Variants in SF3B4 observed in about 807,000 individuals in gnomAD.
The protein encoded by SF3B4 is splicing factor 3b subunit 4, also known as SAP 49.
SF3B4 carries 3 observed loss-of-function variants against 34.3 expected under a neutral mutation model. That is an observed-to-expected ratio of 0.09 (90% CI 0.04 to 0.23). The LOEUF is 0.23. Ranked by LOEUF, SF3B4 falls within the 10% of genes least tolerant of loss-of-function variation. The pLI, the probability that SF3B4 is intolerant of heterozygous loss-of-function variation, is 1.00. For missense variants in SF3B4, 283 were observed against 567.2 expected, an observed-to-expected ratio of 0.50 and a Z score of 5.09; for synonymous variants, 216 against 207.8, an observed-to-expected ratio of 1.04 and a Z score of -0.34.
In SF3B4 at chr1:149,923,535, T is replaced by C; in HGVS notation, c.*7A>G. On this transcript the variant is annotated 3_prime_UTR_variant, in exon 6 of 6. Transcript: ENST00000271628. ...GAAAATGTAACAGGAGGAAGGAAAA[T>C]GTGAATTTACTGAGGGAGAGGGCCT... The C allele has an allele frequency of 3.2e-6, 5 of 1,569,232 alleles. No homozygotes were observed. The highest frequency in any genetic ancestry group is 2.4e-5 in the East Asian group (1 of 41,330).
Position 149,926,843 on chromosome 1 carries a change from T to C in SF3B4, c.239A>G (p.Tyr80Cys). Residue 80 changes from tyrosine to cysteine, a missense_variant, in exon 3 of 6, where the codon TAT becomes TGT. By Grantham distance (194) the Tyr-to-Cys change is radical. Transcript: ENST00000271628. The surrounding 1 kb of genome is among the most constrained non-coding windows in gnomAD (Gnocchi z 6.2). ...AIKIMNMIKL[Y>C]GKPIRVNKAS... Reference sequence around the variant, plus strand: ...TTTGTTCACCCGTATTGGCTTCCCATAGAGTTTGATCATGTTCATGATCTT... The same window carrying C: ...TTTGTTCACCCGTATTGGCTTCCCACAGAGTTTGATCATGTTCATGATCTT... 1 of 1,614,118 alleles carries C rather than the reference T, an allele frequency of 6.2e-7. No homozygotes were observed. Among genetic ancestry groups the C allele is most frequent in the Non-Finnish European group, 8.5e-7 (1 of 1,179,998 alleles).
rs1559797453 is a variant in SF3B4 at position 149,923,951 on chromosome 1, G to A, written c.977C>T (p.Pro326Leu). The A allele has an allele frequency of 1.3e-6, 2 of 1,587,970 alleles. No individual in the cohort carries two copies. Among genetic ancestry groups the A allele is most frequent in the Non-Finnish European group, 1.7e-6 (2 of 1,172,028 alleles). Residue 326 changes from proline to leucine, a missense_variant, in exon 5 of 6, where the codon CCC (proline) becomes CTC (leucine). By Grantham distance (98) the Pro-to-Leu change is moderately conservative (BLOSUM62 -3). Transcript: ENST00000271628. ...CGGTGGCTGGCCCCCAGAGCCTGGG[G>A]GTCCAGCGTGGGGATGTCCTAAGCC... The part of the protein sequence containing the change: ...PHGLGHPHAG[P>L]PGSGGQPPPR...
In SF3B4 at chr1:149,926,651, T is replaced by C; in HGVS notation, c.431A>G (p.Tyr144Cys). The change falls in exon 3 of 6, where the codon TAT (tyrosine) becomes TGT (cysteine). Residue 144 changes from tyrosine (Y) to cysteine (C), a missense_variant. Tyr to Cys is a radical substitution (Grantham distance 194). Transcript: ENST00000271628. The surrounding 1 kb of genome is among the most constrained non-coding windows in gnomAD (Gnocchi z 6.2). ...RDPDTGNSKG[Y>C]AFINFASFDA... Reference sequence around the variant, plus strand: ...AAATGAAGCAAAATTAATAAAGGCATAACCTTTGGAGTTGCCTGTGTCAGG... The same window carrying C: ...AAATGAAGCAAAATTAATAAAGGCACAACCTTTGGAGTTGCCTGTGTCAGG... 1 of 1,614,230 alleles carries C rather than the reference T, an allele frequency of 6.2e-7. No homozygotes were observed. Among genetic ancestry groups the C allele is most frequent in the Non-Finnish European group, 8.5e-7 (1 of 1,180,038 alleles).
chr1:149,927,367 A>G lies in SF3B4; in HGVS notation c.35-73T>C, dbSNP rs880001874. The G allele has an allele frequency of 8.9e-6, 14 of 1,578,220 alleles. No homozygotes were observed. The South Asian group carries it at 1.6e-4, about 18-fold the overall frequency. On this transcript the variant is annotated intron_variant, in intron 1 of 5. Transcript: ENST00000271628. ...GGAAGGAAGTGATGGAAACATGAAG[A>G]TGGAACCCAACCAGGGGAACTGGGG...
At chr1:149,924,817 G>A (rs1270085536) in intron 4 of SF3B4, among the ~76,000 whole-genome samples, 1 of 152,198 alleles carries the variant, frequency 6.6e-6, no homozygotes, top group Non-Finnish European at 1.5e-5. Context: ...GTAATCAGGA[G>A]CAAAATGCAG....
rs782578841 is a variant in SF3B4, at chr1:149,926,389, C to T, written c.693G>A (p.Gly231=). The change falls in exon 3 of 6, where the codon GGG becomes GGA. Residue 231 remains glycine (G), a synonymous_variant. Coordinates refer to ENST00000271628, the MANE Select transcript of SF3B4 (RefSeq NM_005850.5). This position sits in a 1 kb window ranked among gnomAD's most constrained non-coding sequence, Gnocchi z 6.2. ...PNPVVSSLGS[G]LPPPGMPPPG... ...CAAAAGCTTTACCTGGTGGAGGAAG[C>T]CCAGACCCCAATGATGATACCACAG... The T allele has an allele frequency of 8.1e-6, 13 of 1,606,436 alleles. No homozygotes were observed. The Admixed American group carries it at 1.8e-4, about 23-fold the overall frequency.
At chr1:149,927,375 C>A in intron 1 of SF3B4, 81 bp from the exon 2 acceptor site, 1 of 1,556,110 alleles carries the variant, frequency 6.4e-7, no homozygotes, top group Non-Finnish European at 8.7e-7. Context: ...AGATGGAACC[C>A]AACCAGGGGA....
chr1:149,926,401 T>G lies in SF3B4; in HGVS notation c.681A>C (p.Ser227=). The G allele has an allele frequency of 6.2e-7, 1 of 1,611,894 alleles. No homozygotes were observed. ...PPSAPNPVVS[S]LGSGLPPPGM... The stretch of plus-strand genomic sequence containing the variant: ...CTGGTGGAGGAAGCCCAGACCCCAA[T>G]GATGATACCACAGGATTGGGAGCAG... Residue 227 remains serine (S), a synonymous_variant, in exon 3 of 6, where the codon TCA becomes TCC. Transcript: ENST00000271628. The surrounding 1 kb of genome is among the most constrained non-coding windows in gnomAD (Gnocchi z 6.2).
intron 1 of SF3B4, 159 bp downstream of exon 1, chr1:149,927,567 C>T: frequency 1.0e-6 from 1 of 973,906 alleles, no homozygotes; most frequent in Non-Finnish European, 1.5e-6. Context: ...AGGCCTCAGC[C>T]AGCACCCGGC....
intron 4 of SF3B4, among the ~76,000 whole-genome samples, chr1:149,925,097 C>A (rs2092581481): frequency 6.6e-6 from 1 of 152,012 alleles, no homozygotes; most frequent in Non-Finnish European, 1.5e-5. Context: ...GGGAGAGATG[C>A]CACTGATACA....
intron 1 of SF3B4, 29 bp downstream of exon 1, chr1:149,927,697 C>T (rs2092599813): frequency 6.4e-7 from 1 of 1,551,950 alleles, no homozygotes; most frequent in Non-Finnish European, 8.7e-7. Context: ...CCACGCTGAG[C>T]CCATTCCAGA....
At position 149,927,399 on chromosome 1, in the gene SF3B4, G is replaced by A. The variant is rs947299827; in HGVS notation, c.35-105C>T. ...CCAACCAGGGGAACTGGGGACCGCG[G>A]TAGGGGACAGGAGCAAAAAAAAAAG... is the stretch of plus-strand genomic sequence containing the variant. On this transcript the variant is annotated intron_variant, in intron 1 of 5. Transcript: ENST00000271628. The A allele has an allele frequency of 2.1e-6, 3 of 1,407,776 alleles. No homozygotes were observed. The African/African-American group carries it at 4.3e-5, about 20-fold the overall frequency. The allele number at this position is 1,407,776 out of a possible 1,614,324, so 87.2% of individuals were successfully genotyped here. A position where few individuals can be genotyped will look rare whatever the true frequency, so the allele number is the denominator to read the frequency against.
At position 149,926,951 on chromosome 1, in the gene SF3B4, TAAG is replaced by T. The variant is rs1553766106; in HGVS notation, c.164-36_164-34del. On this transcript the variant is annotated intron_variant, in intron 2 of 5. Transcript: ENST00000271628. The surrounding 1 kb of genome is among the most constrained non-coding windows in gnomAD (Gnocchi z 6.2). ...AGTGGAGAAGAGGAGGTTAACAACG[TAAG>T]TAAAGAGACTGAAAATGGGGTAAAA... 6.4e-7 allele frequency: 1 copy of T among 1,559,298 alleles called. No individual in the cohort carries two copies. The highest frequency in any genetic ancestry group is 1.4e-5 in the African/African-American group (1 of 72,562).
At chr1:149,927,627 G>C (rs1229564245) in intron 1 of SF3B4, 99 bp downstream of exon 1, 3 of 1,456,544 alleles carry the variant, frequency 2.1e-6, no homozygotes, top group African/African-American at 2.8e-5. Flanking sequence ...TCTGGGGAAG[G>C]GAGGAGTCCA....
intron 1 of SF3B4, 99 bp downstream of exon 1, chr1:149,927,627 G>A: frequency 6.9e-7 from 1 of 1,456,544 alleles, no homozygotes; most frequent in African/African-American, 1.4e-5. Flanking sequence ...TCTGGGGAAG[G>A]GAGGAGTCCA....
intron 5 of SF3B4, 25 bp from the exon 6 acceptor site, chr1:149,923,754 G>T: frequency 6.6e-7 from 1 of 1,509,074 alleles, no homozygotes; most frequent in Non-Finnish European, 8.8e-7. Context: ...AGAAAAGTTA[G>T]TAAGGGCACG....
rs1553765578 is a variant in SF3B4, at chr1:149,923,507, T to TGGGAAAATGTAACAGGAGGA, written c.*15_*34dup. On this transcript the variant is annotated 3_prime_UTR_variant, in exon 6 of 6. Transcript: ENST00000271628. Reference sequence around the variant, plus strand: ...TTGGTCCAAGGAATAGAAAAGATATTGGGAAAATGTAACAGGAGGAAGGAA... The same window carrying TGGGAAAATGTAACAGGAGGA: ...TTGGTCCAAGGAATAGAAAAGATATTGGGAAAATGTAACAGGAGGAGGGAAAATGTAACAGGAGGAAGGAA... 1 of 1,524,162 alleles carries TGGGAAAATGTAACAGGAGGA rather than the reference T, an allele frequency of 6.6e-7. No individual in the cohort carries two copies. Among genetic ancestry groups the TGGGAAAATGTAACAGGAGGA allele is most frequent in the East Asian group, 2.5e-5 (1 of 40,434 alleles). 94.4% of individuals were successfully genotyped at this position (1,524,162 alleles called of 1,614,324 possible).
At chr1:149,927,462 G>A in intron 1 of SF3B4, 168 bp from the exon 2 acceptor site, 1 of 807,288 alleles carries the variant, frequency 1.2e-6, no homozygotes. Context: ...AGGACTTCGG[G>A]AATCCTCTGA....
chr1:149,927,715 C>G lies in SF3B4; in HGVS notation c.34+11G>C. On this transcript the variant is annotated intron_variant, in intron 1 of 5. Coordinates refer to ENST00000271628, the MANE Select transcript of SF3B4 (RefSeq NM_005850.5). Reference sequence around the variant, plus strand: ...CGCTGAGCCCATTCCAGACTTTCCCCCTCCAGTTACCCTGATTCCGCTCGG... The same window carrying G: ...CGCTGAGCCCATTCCAGACTTTCCCGCTCCAGTTACCCTGATTCCGCTCGG... The G allele has an allele frequency of 6.4e-7, 1 of 1,552,912 alleles. No homozygotes were observed. The highest frequency in any genetic ancestry group is 8.7e-7 in the Non-Finnish European group (1 of 1,147,624).
Sources: gnomAD v4.1 joint callset for allele counts (sites outside exome capture counted in the v4.1 genomes callset) on GRCh38, gnomAD v4.1.1 for gene constraint, Gnocchi (gnomAD v3.1) non-coding constraint, MANE v1.5 for transcripts, NCBI Gene and HGNC (gene_info 2026-07-23, HGNC 2026-07-21) for gene names.